DLGAP2: variants seen among roughly 807,000 people sequenced by gnomAD.
DLGAP2 encodes disks large-associated protein 2.
DLGAP2 carries 26 observed loss-of-function variants against 100.3 expected under a neutral mutation model. The observed-to-expected ratio is 0.26, with a 90% CI of 0.19 to 0.36. The LOEUF (loss-of-function observed/expected upper bound fraction) is 0.36. Ranked by LOEUF, DLGAP2 falls within the 10% of genes least tolerant of loss-of-function variation. DLGAP2 has a pLI of 1.00. For missense variants in DLGAP2, 1,858 were observed against 1,453.2 expected (o/e 1.28, Z -4.53); for synonymous variants, 886 against 630.1 (o/e 1.41, Z -6.08).
chr8:1,516,998 G>A (rs539057975), intron 4 of DLGAP2, among the ~76,000 whole-genome samples: 54 of 152,262 alleles, frequency 3.5e-4, no homozygotes, highest in Non-Finnish European at 4.4e-5. Flanking sequence ...GTCCCCAACA[G>A]CCCCAGGGTG....
intron 2 of DLGAP2, among the ~76,000 whole-genome samples, chr8:1,195,307 G>A (rs1265971224): frequency 2.0e-5 from 3 of 152,188 alleles, no homozygotes; most frequent in Admixed American, 1.3e-4. Flanking sequence ...ACCCTCAGGA[G>A]CAGAGCCTGA....
At chr8:1,331,521 G>C (rs1186611400) in intron 3 of DLGAP2, among the ~76,000 whole-genome samples, 2 of 152,188 alleles carry the variant, frequency 1.3e-5, no homozygotes, top group Non-Finnish European at 2.9e-5. Flanking sequence ...ACACGGATCT[G>C]GGCAGTGTTT....
chr8:1,070,347 G>A (rs140820185), intron 2 of DLGAP2, among the ~76,000 whole-genome samples: 10 of 152,268 alleles, frequency 6.6e-5, no homozygotes, highest in African/African-American at 2.2e-4. Context: ...GGTGAGCAGC[G>A]GCTGACATGG....
intron 3 of DLGAP2, among the ~76,000 whole-genome samples, chr8:1,432,916 G>C (rs533520050): frequency 1.3e-5 from 2 of 152,296 alleles, no homozygotes; most frequent in South Asian, 4.2e-4. Context: ...CCTGGGAATG[G>C]CGAGCATCGA....
intron 3 of DLGAP2, among the ~76,000 whole-genome samples, chr8:1,500,784 C>A (rs1799694441): frequency 6.6e-6 from 1 of 152,262 alleles, no homozygotes; most frequent in East Asian, 1.9e-4. Context: ...AATGGAAAAT[C>A]AATGCCAGTG....
At chr8:1,331,375 C>G (rs557909618) in intron 3 of DLGAP2, among the ~76,000 whole-genome samples, 1 of 152,232 alleles carries the variant, frequency 6.6e-6, no homozygotes, top group East Asian at 1.9e-4. Context: ...GTGGGCAGGT[C>G]GCTGGCCTTT....
intron 2 of DLGAP2, among the ~76,000 whole-genome samples, chr8:1,188,404 A>G (rs141529469): frequency 0.2 from 14,906 of 74,702 alleles, 1,671 homozygotes; most frequent in East Asian, 0.32. Flanking sequence ...CCTCCATGAC[A>G]TTTGCCTCAC....
At chr8:1,521,207 CGGG>C (rs1554490045) in intron 4 of DLGAP2, among the ~76,000 whole-genome samples, 6 of 81,650 alleles carry the variant, frequency 7.3e-5, no homozygotes, top group South Asian at 6.8e-4. Context: ...TTGGAATACT[CGGG>C]GGCAGGTGAT....
chr8:1,624,619 C>T (rs1051188379), intron 6 of DLGAP2, among the ~76,000 whole-genome samples: 1 of 151,878 alleles, frequency 6.6e-6, no homozygotes, highest in Non-Finnish European at 1.5e-5. Context: ...GGTCAGGGAT[C>T]CGTGTTAGCT....
rs865988618 is a variant in DLGAP2, at chr8:1,426,313, G to A, written c.107-75053G>A. ...TGGAGACCTAAAATTGGGAAGGACC[G>A]ACTCCAGACTAGATCTGCTCAAAGT... On this transcript the variant is annotated intron_variant, in intron 3 of 14. Coordinates refer to ENST00000637795, the MANE Select transcript of DLGAP2 (RefSeq NM_001346810.2). 3.3e-5 allele frequency among the ~76,000 whole-genome samples: 5 copies of A among 152,182 alleles called. No homozygotes were observed. The South Asian group carries it at 1.0e-3, about 32-fold the overall frequency.
chr8:1,336,216 T>C lies in DLGAP2; in HGVS notation c.106+77333T>C, dbSNP rs190334980. 1.4e-4 allele frequency among the ~76,000 whole-genome samples: 21 copies of C among 152,372 alleles called. No individual in the cohort carries two copies. In the East Asian group the frequency reaches 3.7e-3, roughly 27 times the overall value. On this transcript the variant is annotated intron_variant, in intron 3 of 14. Coordinates refer to ENST00000637795, the MANE Select transcript of DLGAP2 (RefSeq NM_001346810.2). Reference sequence around the variant, plus strand: ...CAATGAATGGTTTTGAATGTAACTATTTTTGTTAACTGGATTTATTTTGAA... The same window carrying C: ...CAATGAATGGTTTTGAATGTAACTACTTTTGTTAACTGGATTTATTTTGAA...
At chr8:1,198,273 T>C (rs7007815) in intron 2 of DLGAP2, among the ~76,000 whole-genome samples, 27,548 of 152,052 alleles carry the variant, frequency 0.18, 2,580 homozygotes, top group Middle Eastern at 0.36. Flanking sequence ...AAAGGGACTT[T>C]TGTAAGCTTC....
intron 6 of DLGAP2, among the ~76,000 whole-genome samples, chr8:1,582,546 T>C (rs1207501451): frequency 2.0e-5 from 3 of 151,486 alleles, no homozygotes; most frequent in Non-Finnish European, 4.4e-5. Flanking sequence ...GGAAATTCAT[T>C]GCTAGCAGAC....
At chr8:1,002,845 C>T (rs1371977019) in intron 2 of DLGAP2, 2 of 152,250 alleles carry the variant, frequency 1.3e-5, no homozygotes, top group Non-Finnish European at 2.9e-5. Flanking sequence ...GGAGGGGACC[C>T]CCAAAGCATG....
intron 8 of DLGAP2, among the ~76,000 whole-genome samples, chr8:1,656,576 G>A (rs560718671): frequency 6.6e-6 from 1 of 152,244 alleles, no homozygotes; most frequent in Non-Finnish European, 1.5e-5. Flanking sequence ...AATGAGGTGG[G>A]CTCAATTCCA....
intron 2 of DLGAP2, among the ~76,000 whole-genome samples, chr8:1,221,871 C>T (rs551968544): frequency 1.3e-5 from 2 of 152,256 alleles, no homozygotes; most frequent in Admixed American, 1.3e-4. Flanking sequence ...AGATTCTTTC[C>T]TCAGCTTGGT....
intron 2 of DLGAP2, among the ~76,000 whole-genome samples, chr8:1,157,914 G>A (rs764803177): frequency 3.3e-5 from 5 of 152,166 alleles, no homozygotes; most frequent in Non-Finnish European, 7.3e-5. Context: ...GGCACCTTGT[G>A]TACGTCAACA....
At chr8:931,649 A>G (rs1000102751) in intron 2 of DLGAP2, among the ~76,000 whole-genome samples, 1 of 152,144 alleles carries the variant, frequency 6.6e-6, no homozygotes, top group Non-Finnish European at 1.5e-5. Flanking sequence ...TTGCCAGCCC[A>G]TTCTGAGTTT....
intron 2 of DLGAP2, among the ~76,000 whole-genome samples, chr8:1,140,711 C>A (rs919688784): frequency 5.4e-4 from 82 of 152,206 alleles, no homozygotes; most frequent in Non-Finnish European, 2.9e-5. Context: ...ATGACTCATA[C>A]CTGTAATCCC....
Sources: allele counts gnomAD v4.1 joint callset (sites outside exome capture counted in the v4.1 genomes callset), GRCh38; gene constraint gnomAD v4.1.1; transcripts MANE v1.5; gene names NCBI Gene and HGNC (gene_info 2026-07-23, HGNC 2026-07-21).